The following COL4A4 variants were observed in gnomAD, a reference collection of about 807,000 sequenced individuals.
The protein encoded by COL4A4 is collagen type IV alpha 4 chain.
COL4A4 carries 105 observed loss-of-function variants against 192.9 expected under a neutral mutation model. That is an observed-to-expected ratio of 0.54 (90% confidence interval 0.46 to 0.64). COL4A4 has a LOEUF of 0.64. COL4A4 is among the 30% of genes least tolerant of loss of function. COL4A4 has a pLI of 0.00. For missense variants in COL4A4, 1,967 were observed against 2,169.3 expected (o/e 0.91, Z 1.85); for synonymous variants, 762 against 769.9 (o/e 0.99, Z 0.17).
At chr2:227,137,187 G>A (rs1315390848) in intron 4 of COL4A4, among the ~76,000 whole-genome samples, 1 of 151,642 alleles carries the variant, frequency 6.6e-6, no homozygotes, top group Non-Finnish European at 1.5e-5. Context: ...CTGCTTAGAG[G>A]GTGGAAAGTA....
At chr2:227,016,753 G>A (rs1964958773) in intron 44 of COL4A4, among the ~76,000 whole-genome samples, 1 of 152,208 alleles carries the variant, frequency 6.6e-6, no homozygotes. Flanking sequence ...GCTACACTCA[G>A]TGCAGACATC....
chr2:227,107,756 C>CTTT lies in COL4A4; in HGVS notation c.735+822_735+824dup, dbSNP rs71036157. On this transcript the variant is annotated intron_variant, in intron 12 of 47. Coordinates refer to ENST00000396625, the MANE Select transcript of COL4A4 (RefSeq NM_000092.5). ...TGAGTTGCCTTCTTAAATCACTTTT[C>CTTT]TTTTTTTTTTTTTTTTTTTTGAGAC... is the stretch of plus-strand genomic sequence containing the variant. Among the ~76,000 whole-genome samples the CTTT allele has an allele frequency of 3.7e-5, 4 of 109,178 alleles. No individual in the cohort carries two copies. The South Asian group carries it at 8.8e-4, about 24-fold the overall frequency. The allele number at this position is 109,178 out of a possible 152,430, so 71.6% of individuals were successfully genotyped here.
chr2:227,084,147 T>C (rs1241578686), intron 22 of COL4A4, among the ~76,000 whole-genome samples: 1 of 152,234 alleles, frequency 6.6e-6, no homozygotes, highest in Non-Finnish European at 1.5e-5. Context: ...CTAATGTAGG[T>C]TGGGTTTTCT....
intron 18 of COL4A4, among the ~76,000 whole-genome samples, chr2:227,099,030 G>A (rs1001984500): frequency 1.3e-5 from 2 of 152,084 alleles, no homozygotes; most frequent in Non-Finnish European, 2.9e-5. Context: ...TACTCCTTTT[G>A]GTGGCAGCAT....
chr2:227,000,108 C>A (rs1960544831), downstream of COL4A4, among the ~76,000 whole-genome samples: 1 of 152,232 alleles, frequency 6.6e-6, no homozygotes, highest in Non-Finnish European at 1.5e-5. Context: ...TTAAATCTAT[C>A]TTGCATATCC....
At position 227,147,515 on chromosome 2, in the gene COL4A4, C is replaced by A; in HGVS notation, c.-32G>T. ...CAAGTCTTAGTACTTAAAAAATATT[C>A]TGCCAGTCTTCTCTTCCAGAAGGTT... On this transcript the variant is annotated 5_prime_UTR_variant, in exon 2 of 48. Transcript: ENST00000396625. 2 of 1,593,218 alleles carry A rather than the reference C, an allele frequency of 1.3e-6. No individual in the cohort carries two copies. The highest frequency in any genetic ancestry group is 1.1e-5 in the South Asian group (1 of 90,692).
In COL4A4 at chr2:227,123,281, A is replaced by T. The variant is rs1188993567; in HGVS notation, c.193-2133T>A. On this transcript the variant is annotated intron_variant, in intron 4 of 47. Coordinates refer to ENST00000396625, the MANE Select transcript of COL4A4 (RefSeq NM_000092.5). The surrounding 1 kb of genome is among the most constrained non-coding windows in gnomAD (Gnocchi z 4.6). ...AACATTCACCACAGTGTTATATGCA[A>T]TAGCAAGAGAAACCGGAAATCCACG... is the stretch of plus-strand genomic sequence containing the variant. Among the ~76,000 whole-genome samples, 2 of 152,220 alleles carry T rather than the reference A, an allele frequency of 1.3e-5. No individual in the cohort carries two copies. Among genetic ancestry groups the T allele is most frequent in the Non-Finnish European group, 2.9e-5 (2 of 68,042 alleles).
At chr2:227,156,984 CTTAAT>C (rs949136946) in intron 1 of COL4A4, among the ~76,000 whole-genome samples, 3 of 152,152 alleles carry the variant, frequency 2.0e-5, no homozygotes, top group Non-Finnish European at 2.9e-5. Flanking sequence ...ACCATCTTTA[CTTAAT>C]TTAATATATA....
At chr2:227,050,001 G>T in intron 34 of COL4A4, 67 bp downstream of exon 34, 2 of 1,480,566 alleles carry the variant, frequency 1.4e-6, no homozygotes, top group Non-Finnish European at 1.9e-6. Flanking sequence ...AAAGGCACTT[G>T]TTTACAATGT....
intron 3 of COL4A4, 93 bp downstream of exon 3, chr2:227,144,423 C>A: frequency 1.8e-6 from 2 of 1,085,560 alleles, no homozygotes; most frequent in Non-Finnish European, 2.8e-6. Flanking sequence ...AAAATTGAGT[C>A]CCAGAGGGTG....
Position 227,026,678 on chromosome 2 carries a change from T to C in COL4A4, c.4082-868A>G, listed in dbSNP as rs534079038. On this transcript the variant is annotated intron_variant, in intron 42 of 47. Coordinates refer to ENST00000396625, the MANE Select transcript of COL4A4 (RefSeq NM_000092.5). ...GATTTAGGATCTTGAAAGATATTAC[T>C]TCTGCCCATCTCAAATACACATGTC... Among the ~76,000 whole-genome samples, 6 of 152,302 alleles carry C rather than the reference T, an allele frequency of 3.9e-5. No homozygotes were observed. In the South Asian group the frequency reaches 1.0e-3, roughly 26 times the overall value.
chr2:227,108,776 G>A lies in COL4A4; in HGVS notation c.693+57C>T, dbSNP rs374345347. On this transcript the variant is annotated intron_variant, in intron 11 of 47. Transcript: ENST00000396625. ...AGCCATCATTCTGACAAATATCAGT[G>A]GTCAACCATTTCATTGTTCAGGGCT... is the stretch of plus-strand genomic sequence containing the variant. 1.9e-5 allele frequency: 30 copies of A among 1,559,550 alleles called. No individual in the cohort carries two copies. In the African/African-American group the frequency reaches 3.1e-4, roughly 16 times the overall value.
rs574393188 is a variant in COL4A4 at position 227,088,569 on chromosome 2, T to C, written c.1623+84A>G. 46 of 1,522,348 alleles carry C rather than the reference T, an allele frequency of 3.0e-5. No individual in the cohort carries two copies. The East Asian group carries it at 9.9e-4, about 33-fold the overall frequency. The allele number at this position is 1,522,348 out of a possible 1,614,324, so 94.3% of individuals were successfully genotyped here. On this transcript the variant is annotated intron_variant, in intron 22 of 47. Coordinates refer to ENST00000396625, the MANE Select transcript of COL4A4 (RefSeq NM_000092.5). Reference sequence around the variant, plus strand: ...CTTTCCTTAATAAATTACCTAGTCTTGGGTAGTATCTTTATGGTAGTGTGA... The same window carrying C: ...CTTTCCTTAATAAATTACCTAGTCTCGGGTAGTATCTTTATGGTAGTGTGA...
chr2:227,142,210 C>T (rs1268733711), intron 3 of COL4A4, among the ~76,000 whole-genome samples: 3 of 151,042 alleles, frequency 2.0e-5, no homozygotes, highest in African/African-American at 4.9e-5. Context: ...TCTACGTAAA[C>T]ATTCCCCAAT....
At chr2:227,012,108 G>C in intron 45 of COL4A4, 73 bp downstream of exon 45, 1 of 1,235,312 alleles carries the variant, frequency 8.1e-7, no homozygotes. Flanking sequence ...AAAGCCACTT[G>C]AGAGATCAGA....
intron 32 of COL4A4, among the ~76,000 whole-genome samples, 200 bp downstream of exon 32, chr2:227,052,105 C>T (rs772220398): frequency 6.6e-6 from 1 of 151,848 alleles, no homozygotes; most frequent in Non-Finnish European, 1.5e-5. Context: ...GCAGGAGAAT[C>T]GCTTGAACCC....
At chr2:227,049,414 A>G (rs545697373) in intron 34 of COL4A4, among the ~76,000 whole-genome samples, 9 of 152,268 alleles carry the variant, frequency 5.9e-5, no homozygotes, top group Non-Finnish European at 1.3e-4. Flanking sequence ...CTTTGTTTAC[A>G]TATAGCCTAT....
At chr2:227,010,052 A>C (rs1174458647) in intron 46 of COL4A4, among the ~76,000 whole-genome samples, 1 of 152,198 alleles carries the variant, frequency 6.6e-6, no homozygotes, top group East Asian at 1.9e-4. Flanking sequence ...TAAAACTAAT[A>C]ATATACTTAT....
intron 44 of COL4A4, among the ~76,000 whole-genome samples, chr2:227,017,250 C>T (rs974745806): frequency 6.6e-6 from 1 of 152,198 alleles, no homozygotes; most frequent in Non-Finnish European, 1.5e-5. Flanking sequence ...ATCACGTGGG[C>T]TTTACTCCCT....
Sources: gnomAD v4.1 joint callset for allele counts (sites outside exome capture counted in the v4.1 genomes callset) on GRCh38, gnomAD v4.1.1 for gene constraint, Gnocchi (gnomAD v3.1) non-coding constraint, MANE v1.5 for transcripts, NCBI Gene and HGNC (gene_info 2026-07-23, HGNC 2026-07-21) for gene names.